LPP: variants seen among roughly 807,000 people sequenced by gnomAD.
LPP encodes the protein lipoma-preferred partner.
Under a neutral mutation model 60.4 loss-of-function variants are expected in LPP, and 38 were observed. The ratio of observed to expected loss-of-function variants is 0.63; its 90% CI spans 0.49 to 0.83. The LOEUF (loss-of-function observed/expected upper bound fraction) is 0.83, where lower values mean the gene tolerates loss of function less well. LPP is among the 40% of genes least tolerant of loss of function. The probability of loss-of-function intolerance (pLI) is 0.00; values close to 1 mark genes in which losing one functional copy is unlikely to be tolerated. For synonymous variants in LPP, 328 were observed against 290.8 expected (o/e 1.13, Z -1.30); for missense variants, 902 against 783.6 (o/e 1.15, Z -1.80).
chr3:188,581,069 A>C (rs751378048), intron 6 of LPP, among the ~76,000 whole-genome samples: 33 of 152,208 alleles, frequency 2.2e-4, no homozygotes, highest in Non-Finnish European at 4.0e-4. Context: ...TCTAGATTGG[A>C]GTTTGATTGA....
At chr3:188,834,302 A>AT (rs1327270826) in intron 9 of LPP, among the ~76,000 whole-genome samples, 2 of 58,806 alleles carry the variant, frequency 3.4e-5, no homozygotes, top group African/African-American at 6.6e-5. Flanking sequence ...CCATTTTAGG[A>AT]TTTTTTTGTT....
intron 2 of LPP, chr3:188,240,113 C>G: frequency 5.2e-6 from 1 of 193,660 alleles, no homozygotes. Context: ...ACATCTGTGA[C>G]CTGGGATGAT....
chr3:188,725,379 C>T (rs1165957061), intron 8 of LPP: 2 of 152,188 alleles, frequency 1.3e-5, no homozygotes, highest in African/African-American at 2.4e-5. Flanking sequence ...CTCGCTGACG[C>T]ATTAGACTCA....
chr3:188,766,037 A>AT (rs1461125457), intron 9 of LPP, among the ~76,000 whole-genome samples: 1 of 151,206 alleles, frequency 6.6e-6, no homozygotes, highest in Non-Finnish European at 1.5e-5. Context: ...CGCCCGGCTA[A>AT]TTTTTTTATT....
intron 7 of LPP, among the ~76,000 whole-genome samples, chr3:188,679,887 C>T (rs1199331975): frequency 6.6e-6 from 1 of 152,006 alleles, no homozygotes; most frequent in African/African-American, 2.4e-5. Flanking sequence ...TCCTCCTATC[C>T]CCCCAGGCTG....
At chr3:188,854,371 C>G (rs1467719799) in intron 9 of LPP, among the ~76,000 whole-genome samples, 3 of 152,202 alleles carry the variant, frequency 2.0e-5, no homozygotes, top group Admixed American at 6.5e-5. Flanking sequence ...TCCTTTTGAG[C>G]TCCTCATGAG....
chr3:188,776,605 T>C (rs1262043770), intron 9 of LPP, among the ~76,000 whole-genome samples: 1 of 152,218 alleles, frequency 6.6e-6, no homozygotes, highest in African/African-American at 2.4e-5. Context: ...TTCCTTTGTT[T>C]TGAAGCCACA....
intron 4 of LPP, among the ~76,000 whole-genome samples, chr3:188,411,738 C>CA (rs1435897235): frequency 1.3e-5 from 2 of 152,078 alleles, no homozygotes; most frequent in East Asian, 3.9e-4. Context: ...AATAAAACAA[C>CA]AACAGCAATT....
intron 7 of LPP, among the ~76,000 whole-genome samples, chr3:188,669,469 G>C (rs1017179618): frequency 6.6e-6 from 1 of 152,106 alleles, no homozygotes; most frequent in Admixed American, 6.5e-5. Flanking sequence ...CGAGCTACTC[G>C]GGAGGCTGAA....
At chr3:188,517,153 C>T (rs1212921434) in intron 5 of LPP, among the ~76,000 whole-genome samples, 1 of 152,082 alleles carries the variant, frequency 6.6e-6, no homozygotes, top group African/African-American at 2.4e-5. Flanking sequence ...TTAATTTTTA[C>T]AACTGCATGA....
At chr3:188,264,407 A>C (rs1734727029) in intron 2 of LPP, among the ~76,000 whole-genome samples, 1 of 151,764 alleles carries the variant, frequency 6.6e-6, no homozygotes, top group Non-Finnish European at 1.5e-5. Flanking sequence ...ATGAGAGGAG[A>C]GCTGTAGCAG....
chr3:188,856,217 T>C (rs1763798848), intron 9 of LPP, among the ~76,000 whole-genome samples: 1 of 152,208 alleles, frequency 6.6e-6, no homozygotes, highest in South Asian at 2.1e-4. Context: ...TCTAAATGCA[T>C]GGTATGTAAC....
At chr3:188,260,651 T>C (rs1733271013) in intron 2 of LPP, among the ~76,000 whole-genome samples, 1 of 152,134 alleles carries the variant, frequency 6.6e-6, no homozygotes, top group Non-Finnish European at 1.5e-5. Flanking sequence ...TGCTTGGTTG[T>C]TGTTTTTTAA....
At chr3:188,855,463 G>A (rs971020155) in intron 9 of LPP, among the ~76,000 whole-genome samples, 5 of 152,220 alleles carry the variant, frequency 3.3e-5, no homozygotes, top group Admixed American at 6.5e-5. Context: ...ACAGGATAAA[G>A]AGACAGAGTC....
Position 188,609,924 on chromosome 3 carries a change from G to A in LPP, c.1113+80G>A. The A allele has an allele frequency of 7.5e-7, 1 of 1,335,860 alleles. No homozygotes were observed. The highest frequency in any genetic ancestry group is 1.0e-6 in the Non-Finnish European group (1 of 972,226). The allele number at this position is 1,335,860 out of a possible 1,614,324, so 82.8% of individuals were successfully genotyped here. On this transcript the variant is annotated intron_variant, in intron 7 of 11. Transcript: ENST00000617246. The surrounding 1 kb of genome is among the most constrained non-coding windows in gnomAD (Gnocchi z 6.9). ...CCTTCCCCAGGAAGCGAAGCCTAAG[G>A]CAAAAGTGTGTGTGTTACTTTTATT... is the stretch of plus-strand genomic sequence containing the variant.
In LPP at chr3:188,694,657, T is replaced by TG. The variant is rs1379058008; in HGVS notation, c.1114-13610_1114-13609insG. On this transcript the variant is annotated intron_variant, in intron 7 of 11. Coordinates refer to ENST00000617246, the MANE Select transcript of LPP (RefSeq NM_001375462.1). ...TCAGAGGTTGCGGTGAGCCGAGATG[T>TG]TGCCATTGCACACTGAGCAACAAGA... Among the ~76,000 whole-genome samples the TG allele has an allele frequency of 2.6e-5, 4 of 151,578 alleles. No homozygotes were observed. In the East Asian group the frequency reaches 7.7e-4, roughly 29 times the overall value.
chr3:188,376,897 C>T (rs946887321), intron 3 of LPP, among the ~76,000 whole-genome samples: 14 of 152,262 alleles, frequency 9.2e-5, no homozygotes, highest in African/African-American at 3.4e-4. Context: ...GTAAGGCAGG[C>T]CTGGTAGTGA....
intron 2 of LPP, among the ~76,000 whole-genome samples, chr3:188,238,426 CTT>C (rs1411264396): frequency 6.6e-6 from 1 of 151,922 alleles, no homozygotes; most frequent in East Asian, 1.9e-4. Context: ...AGAGGCCTAG[CTT>C]TTGGCCTCTC....
Position 188,316,789 on chromosome 3 carries a change from A to G in LPP, c.-66-24874A>G, listed in dbSNP as rs369145418. 6.6e-5 allele frequency among the ~76,000 whole-genome samples: 10 copies of G among 152,258 alleles called. No homozygotes were observed. In the East Asian group the frequency reaches 7.7e-4, roughly 12 times the overall value. ...ATGCAAAGAAGGCAAATGATTCATA[A>G]AAGTTGCTGAGTGAATTAGAACTAT... On this transcript the variant is annotated intron_variant, in intron 2 of 11. Transcript: ENST00000617246.
Sources: gnomAD v4.1 joint callset for allele counts (sites outside exome capture counted in the v4.1 genomes callset) on GRCh38, gnomAD v4.1.1 for gene constraint, Gnocchi (gnomAD v3.1) non-coding constraint, MANE v1.5 for transcripts, NCBI Gene and HGNC (gene_info 2026-07-23, HGNC 2026-07-21) for gene names.